The following MACROD2 variants were observed in gnomAD, a reference collection of about 807,000 sequenced individuals.
The protein encoded by MACROD2 is mono-ADP ribosylhydrolase 2.
Under a neutral mutation model 70.4 loss-of-function variants are expected in MACROD2, and 36 were observed. That is an observed-to-expected ratio of 0.51 (90% confidence interval 0.39 to 0.68). The LOEUF is 0.68. Among genes scored for constraint, MACROD2 ranks in the 30% least tolerant of loss-of-function variants. The pLI, the probability that MACROD2 is intolerant of heterozygous loss-of-function variation, is 0.00. For synonymous variants in MACROD2, 172 were observed against 178.8 expected, an observed-to-expected ratio of 0.96 and a Z score of 0.30; for missense variants, 496 against 538.4, an observed-to-expected ratio of 0.92 and a Z score of 0.78.
At chr20:14,027,401 G>C (rs980484030) in intron 2 of MACROD2, among the ~76,000 whole-genome samples, 1 of 152,058 alleles carries the variant, frequency 6.6e-6, no homozygotes, top group Non-Finnish European at 1.5e-5. Flanking sequence ...CATTGGGTTA[G>C]AGCATGCTTC....
chr20:15,685,546 C>T (rs1328063453), intron 8 of MACROD2, among the ~76,000 whole-genome samples: 1 of 152,132 alleles, frequency 6.6e-6, no homozygotes, highest in African/African-American at 2.4e-5. Flanking sequence ...TTGAATGATT[C>T]CCAAGAACCT....
chr20:14,678,030 A>G (rs760907707), intron 4 of MACROD2, among the ~76,000 whole-genome samples: 12 of 152,216 alleles, frequency 7.9e-5, no homozygotes, highest in Non-Finnish European at 1.6e-4. Context: ...TAGTGGTTCT[A>G]CATAATAAAG....
intron 3 of MACROD2, among the ~76,000 whole-genome samples, chr20:14,257,637 A>G (rs1375664920): frequency 6.6e-6 from 1 of 152,206 alleles, no homozygotes; most frequent in Non-Finnish European, 1.5e-5. Flanking sequence ...TTACTTAAAA[A>G]TATAAAGAGA....
chr20:15,612,634 A>G (rs1600667202), intron 8 of MACROD2, among the ~76,000 whole-genome samples: 1 of 152,230 alleles, frequency 6.6e-6, no homozygotes, highest in South Asian at 2.1e-4. Flanking sequence ...GCTATTCATC[A>G]GGGGCAATGG....
intron 3 of MACROD2, among the ~76,000 whole-genome samples, chr20:14,156,295 A>G (rs963442678): frequency 1.3e-5 from 2 of 152,240 alleles, no homozygotes; most frequent in Admixed American, 1.3e-4. Flanking sequence ...TTTCCCAAAT[A>G]AAATAGAGAA....
At chr20:15,682,909 C>A (rs573980663) in intron 8 of MACROD2, among the ~76,000 whole-genome samples, 1 of 152,234 alleles carries the variant, frequency 6.6e-6, no homozygotes, top group South Asian at 2.1e-4. Context: ...CATTAGTCAT[C>A]TTTTAGAAAC....
intron 3 of MACROD2, among the ~76,000 whole-genome samples, chr20:14,307,750 T>G (rs1191964689): frequency 1.3e-5 from 2 of 152,110 alleles, no homozygotes; most frequent in African/African-American, 4.8e-5. Context: ...GCAGACAAAT[T>G]TTTTCTAATT....
chr20:14,324,883 C>T (rs926242280), intron 3 of MACROD2: 2 of 152,400 alleles, frequency 1.3e-5, no homozygotes, highest in African/African-American at 4.8e-5. Context: ...AGACTTCATG[C>T]TCCTTTTATG....
At chr20:16,016,910 A>G (rs1358055181) in intron 15 of MACROD2, among the ~76,000 whole-genome samples, 2 of 152,184 alleles carry the variant, frequency 1.3e-5, no homozygotes, top group Non-Finnish European at 2.9e-5. Flanking sequence ...TCATCCTGAA[A>G]TTCTATTGGC....
chr20:14,003,913 A>G (rs1459762539), intron 2 of MACROD2, among the ~76,000 whole-genome samples: 1 of 152,160 alleles, frequency 6.6e-6, no homozygotes, highest in African/African-American at 2.4e-5. Flanking sequence ...GTGCCTCTTC[A>G]TGTTTGAGTC....
intron 5 of MACROD2, among the ~76,000 whole-genome samples, chr20:15,155,038 A>G (rs534677455): frequency 1.3e-5 from 2 of 148,532 alleles, no homozygotes; most frequent in Non-Finnish European, 2.9e-5. Context: ...TCTTCAATTT[A>G]AAAAAAATGA....
intron 5 of MACROD2, among the ~76,000 whole-genome samples, chr20:15,204,064 C>T (rs1348069884): frequency 6.6e-6 from 1 of 151,998 alleles, no homozygotes; most frequent in Non-Finnish European, 1.5e-5. Flanking sequence ...ACTTATAACT[C>T]CCTTCCCCAA....
At chr20:15,797,703 T>C (rs1352233062) in intron 8 of MACROD2, among the ~76,000 whole-genome samples, 1 of 152,196 alleles carries the variant, frequency 6.6e-6, no homozygotes, top group African/African-American at 2.4e-5. Context: ...GTTGGGATGT[T>C]GCAGCCTTAA....
intron 4 of MACROD2, among the ~76,000 whole-genome samples, chr20:14,545,876 TAG>T (rs2123245742): frequency 6.6e-6 from 1 of 152,326 alleles, no homozygotes; most frequent in South Asian, 2.1e-4. Context: ...TATATGGGTA[TAG>T]AGATATCTGT....
intron 7 of MACROD2, among the ~76,000 whole-genome samples, chr20:15,458,098 C>T (rs1256309305): frequency 6.6e-6 from 1 of 152,062 alleles, no homozygotes; most frequent in Admixed American, 6.6e-5. Flanking sequence ...ATTATTTCCC[C>T]CAGTAAAAGG....
intron 10 of MACROD2, among the ~76,000 whole-genome samples, chr20:15,887,219 A>G (rs1010717073): frequency 4.6e-5 from 7 of 152,108 alleles, no homozygotes; most frequent in African/African-American, 1.7e-4. Flanking sequence ...ACTGCCCACT[A>G]TCTTCAAGGG....
intron 8 of MACROD2, among the ~76,000 whole-genome samples, chr20:15,760,724 C>A (rs2051424061): frequency 6.6e-6 from 1 of 152,170 alleles, no homozygotes; most frequent in Non-Finnish European, 1.5e-5. Context: ...TGGAAGTACC[C>A]TGCACACTGT....
intron 8 of MACROD2, among the ~76,000 whole-genome samples, chr20:15,839,961 C>A (rs143054630): frequency 6.6e-5 from 10 of 152,256 alleles, no homozygotes; most frequent in African/African-American, 2.4e-4. Context: ...TATCTACTGG[C>A]TCCTAGAATT....
intron 5 of MACROD2, among the ~76,000 whole-genome samples, chr20:14,838,207 A>G (rs920222879): frequency 5.3e-5 from 8 of 152,108 alleles, no homozygotes; most frequent in Admixed American, 4.6e-4. Context: ...CATTAAATTC[A>G]GTGCCCAGAA....
Sources: gnomAD v4.1 joint callset for allele counts (sites outside exome capture counted in the v4.1 genomes callset) on GRCh38, gnomAD v4.1.1 for gene constraint, MANE v1.5 for transcripts, NCBI Gene and HGNC (gene_info 2026-07-23, HGNC 2026-07-21) for gene names.